PRXL2C: variants seen among roughly 807,000 people sequenced by gnomAD.
PRXL2C encodes the protein peroxiredoxin like 2C.
In PRXL2C, 38 loss-of-function variants were observed where a neutral mutation model predicts 24.9. The observed-to-expected ratio is 1.53, with a 90% CI of 1.18 to 2.00. The LOEUF is 2.00. Among genes scored for constraint, PRXL2C ranks in the 30% most tolerant of loss-of-function variants. The pLI is 0.00. For synonymous variants in PRXL2C, 98 were observed against 117.2 expected, an observed-to-expected ratio of 0.84 and a Z score of 1.06; for missense variants, 294 against 290.9, an observed-to-expected ratio of 1.01 and a Z score of -0.08.
chr9:96,645,818 G>T, intron 5 of PRXL2C, 75 bp downstream of exon 5: 26 of 1,350,004 alleles, frequency 1.9e-5, no homozygotes, highest in African/African-American at 3.0e-5. Flanking sequence ...AAAAGGAAAA[G>T]AAAAGAAAAT....
In PRXL2C at chr9:96,640,435, T is replaced by A. The variant is rs1167641679; in HGVS notation, c.*1324A>T. ...CTTGGGAGGCTGAGGCAGAATTGCT[T>A]GAACCAAGGAGGCGGAAGTTGCAGT... On this transcript the variant is annotated 3_prime_UTR_variant, in exon 6 of 6. Coordinates refer to ENST00000375234, the MANE Select transcript of PRXL2C (RefSeq NM_153698.2). 7.2e-6 allele frequency: 1 copy of A among 138,080 alleles called. No homozygotes were observed. Among genetic ancestry groups the A allele is most frequent in the Non-Finnish European group, 1.5e-5 (1 of 66,342 alleles). The allele number at this position is 138,080 out of a possible 1,614,324, so 8.6% of individuals were successfully genotyped here. A position where few individuals can be genotyped will look rare whatever the true frequency, so the allele number is the denominator to read the frequency against.
intron 2 of PRXL2C, among the ~76,000 whole-genome samples, 179 bp downstream of exon 2, chr9:96,654,526 A>G (rs1045023310): frequency 3.9e-5 from 6 of 152,230 alleles, no homozygotes; most frequent in African/African-American, 7.2e-5. Flanking sequence ...GCAGCACCCA[A>G]TGAGTTAGGG....
intron 2 of PRXL2C, 62 bp from the exon 3 acceptor site, chr9:96,651,774 C>A: frequency 7.1e-7 from 1 of 1,399,898 alleles, no homozygotes; most frequent in South Asian, 1.2e-5. Flanking sequence ...TATACAACAT[C>A]CCTTAACCCA....
At position 96,639,821 on chromosome 9, in the gene PRXL2C, G is replaced by T. The variant is rs903189143; in HGVS notation, c.*1938C>A. ...GATTCTAGAAAAATAGGCCGGGCGC[G>T]GTGGCTCATGCCTATAATCCTAGCA... is the stretch of plus-strand genomic sequence containing the variant. On this transcript the variant is annotated 3_prime_UTR_variant, in exon 6 of 6. Transcript: ENST00000375234. 1 of 152,074 alleles carries T rather than the reference G, an allele frequency of 6.6e-6. No homozygotes were observed. Among genetic ancestry groups the T allele is most frequent in the Non-Finnish European group, 1.5e-5 (1 of 68,030 alleles). The allele number at this position is 152,074 out of a possible 1,614,324, so 9.4% of individuals were successfully genotyped here.
At chr9:96,643,914 C>A (rs1160441324) in intron 5 of PRXL2C, among the ~76,000 whole-genome samples, 1 of 151,968 alleles carries the variant, frequency 6.6e-6, no homozygotes, top group Non-Finnish European at 1.5e-5. Flanking sequence ...GTGGGCAGAT[C>A]ACGAAGTCAA....
At chr9:96,648,191 C>T (rs1385332993) in intron 4 of PRXL2C, among the ~76,000 whole-genome samples, 1 of 152,178 alleles carries the variant, frequency 6.6e-6, no homozygotes, top group African/African-American at 2.4e-5. Flanking sequence ...GTGTGAGCCA[C>T]GACACCCAGC....
intron 2 of PRXL2C, 22 bp downstream of exon 2, chr9:96,654,683 C>G (rs1486369476): frequency 1.3e-6 from 2 of 1,552,872 alleles, no homozygotes; most frequent in Non-Finnish European, 1.7e-6. Flanking sequence ...GGGCACTGGG[C>G]CGCCCACGCT....
At position 96,651,400 on chromosome 9, in the gene PRXL2C, A is replaced by G; in HGVS notation, c.411T>C (p.Ile137=). ...CATGTTATGTCTTACCTGAGGAAGC[A>G]ATTTCTTCACCTCTTTTCATTCCCA... ...KRLGMKRGEE[I]ASSGQSPHIK... is the part of the protein sequence containing the mutation. The change falls in exon 4 of 6, where the codon ATT becomes ATC. Residue 137 remains isoleucine (I), a synonymous_variant. Transcript: ENST00000375234. The G allele has an allele frequency of 6.2e-7, 1 of 1,609,782 alleles. No homozygotes were observed.
chr9:96,645,670 A>G lies in PRXL2C; in HGVS notation c.553+223T>C, dbSNP rs1056068795. ...AAATTAGCCGGGCGTCGTGGCGGGC[A>G]CCTGTAGTCCCAGCTACTCGGGAGG... On this transcript the variant is annotated intron_variant, in intron 5 of 5. Coordinates refer to ENST00000375234, the MANE Select transcript of PRXL2C (RefSeq NM_153698.2). 1.2e-3 allele frequency among the ~76,000 whole-genome samples: 178 copies of G among 151,692 alleles called. 1 individual carries two copies. The highest frequency in any genetic ancestry group is 3.4e-3 in the Middle Eastern group (1 of 294).
chr9:96,649,175 T>C (rs1048389361), intron 4 of PRXL2C, among the ~76,000 whole-genome samples: 1 of 152,182 alleles, frequency 6.6e-6, no homozygotes, highest in African/African-American at 2.4e-5. Flanking sequence ...TGTACTGCTA[T>C]GATTTCCTAT....
chr9:96,648,304 G>C (rs955750148), intron 4 of PRXL2C, among the ~76,000 whole-genome samples: 3 of 152,146 alleles, frequency 2.0e-5, no homozygotes, highest in African/African-American at 7.2e-5. Context: ...AATCTTTGTT[G>C]TCAAGCACAA....
At chr9:96,647,809 T>C (rs994118234) in intron 4 of PRXL2C, among the ~76,000 whole-genome samples, 1 of 152,132 alleles carries the variant, frequency 6.6e-6, no homozygotes, top group East Asian at 1.9e-4. Flanking sequence ...ATTACAAGTG[T>C]GAGCCACCAT....
intron 5 of PRXL2C, among the ~76,000 whole-genome samples, chr9:96,645,642 A>T (rs984407774): frequency 2.9e-4 from 44 of 151,960 alleles, no homozygotes; most frequent in African/African-American, 1.1e-3. Flanking sequence ...CTAAAAATTT[A>T]AAAAATTAGC....
In PRXL2C at chr9:96,649,608, A is replaced by T. The variant is rs1848243847; in HGVS notation, c.421+1782T>A. Among the ~76,000 whole-genome samples, 5 of 151,422 alleles carry T rather than the reference A, an allele frequency of 3.3e-5. No homozygotes were observed. In the South Asian group the frequency reaches 1.0e-3, roughly 31 times the overall value. The stretch of plus-strand genomic sequence containing the variant: ...CAAAAAAAAACCCATCAATAAAGGG[A>T]TCAGCAACTCTGCCTCACAAACAGC... On this transcript the variant is annotated intron_variant, in intron 4 of 5. Coordinates refer to ENST00000375234, the MANE Select transcript of PRXL2C (RefSeq NM_153698.2).
intron 5 of PRXL2C, among the ~76,000 whole-genome samples, chr9:96,645,203 C>G (rs1486421936): frequency 6.6e-6 from 1 of 151,794 alleles, no homozygotes; most frequent in Non-Finnish European, 1.5e-5. Context: ...ACCACCGCGC[C>G]CGGCTGGATT....
rs530343244 is a variant in PRXL2C, at chr9:96,644,881, C to CTTTTTTTTTTT, written c.553+1001_553+1011dup. On this transcript the variant is annotated intron_variant, in intron 5 of 5. Transcript: ENST00000375234. ...TTAGGTATAAATAACTACATGGATT[C>CTTTTTTTTTTT]TTTTTTTTTTTTTTTTTTTTTTTTT... 3.0e-4 allele frequency among the ~76,000 whole-genome samples: 11 copies of CTTTTTTTTTTT among 36,694 alleles called. 4 individuals are homozygous for CTTTTTTTTTTT. The highest frequency in any genetic ancestry group is 4.6e-4 in the Non-Finnish European group (7 of 15,320). The allele number at this position is 36,694 out of a possible 152,430, so 24.1% of individuals were successfully genotyped here. A position where few individuals can be genotyped will look rare whatever the true frequency, so the allele number is the denominator to read the frequency against.
At chr9:96,644,466 T>G (rs975838346) in intron 5 of PRXL2C, among the ~76,000 whole-genome samples, 2 of 152,140 alleles carry the variant, frequency 1.3e-5, no homozygotes, top group Non-Finnish European at 1.5e-5. Flanking sequence ...GTGTGTGGCT[T>G]ATAGTCGGAC....
chr9:96,652,849 G>A (rs760744430), intron 2 of PRXL2C, among the ~76,000 whole-genome samples: 2 of 152,232 alleles, frequency 1.3e-5, no homozygotes, highest in Non-Finnish European at 2.9e-5. Flanking sequence ...AGAGATATCT[G>A]CACTCCCATG....
intron 4 of PRXL2C, among the ~76,000 whole-genome samples, chr9:96,648,302 T>C (rs1361294829): frequency 6.6e-6 from 1 of 152,198 alleles, no homozygotes; most frequent in Non-Finnish European, 1.5e-5. Context: ...GTAATCTTTG[T>C]TGTCAAGCAC....
Sources: gnomAD v4.1 joint callset for allele counts (sites outside exome capture counted in the v4.1 genomes callset) on GRCh38, gnomAD v4.1.1 for gene constraint, MANE v1.5 for transcripts, NCBI Gene and HGNC (gene_info 2026-07-23, HGNC 2026-07-21) for gene names.